Variants in EPC2 observed in about 807,000 individuals in gnomAD.
EPC2 encodes enhancer of polycomb 2.
EPC2 carries 14 observed loss-of-function variants against 92.1 expected under a neutral mutation model. The observed-to-expected ratio is 0.15, with a 90% CI of 0.10 to 0.24. EPC2 has a LOEUF of 0.24. Ranked by LOEUF, EPC2 falls within the 10% of genes least tolerant of loss-of-function variation. EPC2 has a pLI of 1.00. For missense variants in EPC2, 755 were observed against 971.5 expected (o/e 0.78, Z 2.96); for synonymous variants, 340 against 334.7 (o/e 1.02, Z -0.17).
At chr2:148,762,894 A>G in intron 6 of EPC2, 92 bp downstream of exon 6, 2 of 1,369,040 alleles carry the variant, frequency 1.5e-6, no homozygotes, top group Non-Finnish European at 2.0e-6. Context: ...GGTTTGAGTA[A>G]AGAAAAAGTA....
At chr2:148,653,087 A>G (rs560635341) in intron 1 of EPC2, among the ~76,000 whole-genome samples, 22 of 152,318 alleles carry the variant, frequency 1.4e-4, no homozygotes, top group African/African-American at 5.1e-4. Flanking sequence ...CCCCAACAAG[A>G]CTAAATGTCT....
At chr2:148,749,664 C>T (rs140420920) in intron 3 of EPC2, among the ~76,000 whole-genome samples, 112 of 151,980 alleles carry the variant, frequency 7.4e-4, no homozygotes, top group African/African-American at 2.5e-3. Context: ...TAGTATGTAG[C>T]ATGTTGAAAT....
intron 2 of EPC2, among the ~76,000 whole-genome samples, chr2:148,722,852 G>A (rs563408983): frequency 2.8e-4 from 42 of 152,218 alleles, no homozygotes; most frequent in African/African-American, 9.6e-4. Context: ...ATAAAAGAAC[G>A]AGATCATGTC....
chr2:148,743,857 T>C, intron 3 of EPC2, 90 bp downstream of exon 3: 6 of 1,042,042 alleles, frequency 5.8e-6, no homozygotes, highest in Non-Finnish European at 7.9e-6. Context: ...TTACTGTTTC[T>C]TGGATTTCTT....
Position 148,645,095 on chromosome 2 carries a change from T to C in EPC2, c.78T>C (p.Pro26=). The change falls in exon 1 of 14, where the codon CCT becomes CCC. Residue 26 remains proline, a synonymous_variant. Coordinates refer to ENST00000258484, the MANE Select transcript of EPC2 (RefSeq NM_015630.4). ...PLPIYRGKDM[P]DLNDCVSINR... ...CTATCTACCGCGGCAAGGACATGCC[T>C]GATCTCAACGACTGCGTCTCCATCA... 1 of 1,599,996 alleles carries C rather than the reference T, an allele frequency of 6.3e-7. No individual in the cohort carries two copies. The highest frequency in any genetic ancestry group is 8.5e-7 in the Non-Finnish European group (1 of 1,172,792).
chr2:148,684,293 CA>C (rs1344302320), intron 1 of EPC2, among the ~76,000 whole-genome samples: 1 of 152,184 alleles, frequency 6.6e-6, no homozygotes, highest in Non-Finnish European at 1.5e-5. Context: ...TATTTTCTCC[CA>C]CTCTGTGGGT....
Position 148,674,287 on chromosome 2 carries a change from G to A in EPC2, c.154-15927G>A, listed in dbSNP as rs567760948. On this transcript the variant is annotated intron_variant, in intron 1 of 13. Coordinates refer to ENST00000258484, the MANE Select transcript of EPC2 (RefSeq NM_015630.4). ...TGTGTGGTACTGCAGATTCTCTGGT[G>A]CTGCAGCAAGCCACTGAGTTCTTTT... is the stretch of plus-strand genomic sequence containing the variant. Among the ~76,000 whole-genome samples, 17 of 152,314 alleles carry A rather than the reference G, an allele frequency of 1.1e-4. No homozygotes were observed. The South Asian group carries it at 3.5e-3, about 32-fold the overall frequency.
chr2:148,723,487 C>T (rs1682424579), intron 2 of EPC2, among the ~76,000 whole-genome samples: 1 of 152,132 alleles, frequency 6.6e-6, no homozygotes, highest in Non-Finnish European at 1.5e-5. Context: ...AGGGTTTCTG[C>T]TAGTGGGTTT....
Position 148,672,810 on chromosome 2 carries a change from CTTG to C in EPC2, c.154-17396_154-17394del, listed in dbSNP as rs533927127. Reference sequence around the variant, plus strand: ...TAAGTTTTATATTTTTGCGTGGTTTCTTGTTGTTGTCTAGCATCCTTTTGTTTC... The same window carrying C: ...TAAGTTTTATATTTTTGCGTGGTTTCTTGTTGTCTAGCATCCTTTTGTTTC... On this transcript the variant is annotated intron_variant, in intron 1 of 13. Transcript: ENST00000258484. 2.6e-3 allele frequency among the ~76,000 whole-genome samples: 390 copies of C among 152,120 alleles called. 2 individuals carry two copies. The highest frequency in any genetic ancestry group is 4.0e-3 in the Non-Finnish European group (275 of 67,980).
intron 2 of EPC2, among the ~76,000 whole-genome samples, chr2:148,701,029 A>C (rs1681876252): frequency 6.6e-6 from 1 of 151,998 alleles, no homozygotes; most frequent in South Asian, 2.1e-4. Flanking sequence ...TTGTTGTTCT[A>C]ATGTAAATGG....
intron 1 of EPC2, among the ~76,000 whole-genome samples, chr2:148,659,225 T>C (rs1297327743): frequency 6.6e-6 from 1 of 152,154 alleles, no homozygotes; most frequent in Admixed American, 6.6e-5. Flanking sequence ...TCTGTGAACT[T>C]TCTGGGTTTG....
chr2:148,765,280 G>T (rs16829245), intron 7 of EPC2, 134 bp downstream of exon 7: 91,654 of 498,956 alleles, frequency 0.18, 10,611 homozygotes, highest in East Asian at 0.44. Context: ...CATTTCCACA[G>T]TATTTATGTA....
At chr2:148,708,142 T>TA (rs1227277618) in intron 2 of EPC2, among the ~76,000 whole-genome samples, 3 of 151,990 alleles carry the variant, frequency 2.0e-5, no homozygotes, top group Non-Finnish European at 4.4e-5. Context: ...ATAGATGCAG[T>TA]AAAAAATGAT....
chr2:148,708,071 G>T (rs1447730378), intron 2 of EPC2, among the ~76,000 whole-genome samples: 1 of 152,118 alleles, frequency 6.6e-6, no homozygotes, highest in Non-Finnish European at 1.5e-5. Context: ...TTGGTCTTTT[G>T]AAAAGATCAA....
chr2:148,685,598 A>C (rs1187678827), intron 1 of EPC2, among the ~76,000 whole-genome samples: 3 of 152,108 alleles, frequency 2.0e-5, no homozygotes, highest in African/African-American at 7.2e-5. Context: ...GTCTCTACTA[A>C]AAATACAAAA....
Position 148,753,900 on chromosome 2 carries a change from C to T in EPC2, c.460-27C>T, listed in dbSNP as rs1228058125. ...TATTTCTTTTTGCAAACATTGTAGC[C>T]AATGACATTTTGTATTTTTCATTTA... On this transcript the variant is annotated intron_variant, in intron 3 of 13. Coordinates refer to ENST00000258484, the MANE Select transcript of EPC2 (RefSeq NM_015630.4). The T allele has an allele frequency of 1.9e-6, 3 of 1,579,064 alleles. No individual in the cohort carries two copies. In the African/African-American group the frequency reaches 4.0e-5, roughly 21 times the overall value.
In EPC2 at chr2:148,761,829, A is replaced by G; in HGVS notation, c.714A>G (p.Arg238=). The G allele has an allele frequency of 4.4e-6, 7 of 1,585,682 alleles. No homozygotes were observed. The highest frequency in any genetic ancestry group is 6.0e-6 in the Non-Finnish European group (7 of 1,168,216). ...EASYEKMLKL[R]REFSRAITIL... is the part of the protein sequence containing the mutation. ...CTTATGAAAAGATGTTGAAACTGAG[A>G]CGAGAATTTAGTAGAGCCATAACAA... Residue 238 remains arginine, a synonymous_variant, in exon 5 of 14, where the codon AGA becomes AGG. Coordinates refer to ENST00000258484, the MANE Select transcript of EPC2 (RefSeq NM_015630.4).
intron 7 of EPC2, among the ~76,000 whole-genome samples, chr2:148,766,920 A>T (rs1683421246): frequency 6.6e-6 from 1 of 152,214 alleles, no homozygotes; most frequent in Non-Finnish European, 1.5e-5. Flanking sequence ...ATTGTGGCTC[A>T]TGCCTGTAAT....
chr2:148,657,368 A>G (rs114299476), intron 1 of EPC2, among the ~76,000 whole-genome samples: 1 of 152,124 alleles, frequency 6.6e-6, no homozygotes, highest in African/African-American at 2.4e-5. Context: ...AAATTCATCA[A>G]GGCTTTCAAA....
Sources: allele counts gnomAD v4.1 joint callset (sites outside exome capture counted in the v4.1 genomes callset), GRCh38; gene constraint gnomAD v4.1.1; transcripts MANE v1.5; gene names NCBI Gene and HGNC (gene_info 2026-07-23, HGNC 2026-07-21).